The following CAMK2D variants were observed in gnomAD, a reference collection of about 807,000 sequenced individuals.
The protein encoded by CAMK2D is calcium/calmodulin-dependent protein kinase type II subunit delta.
A neutral mutation model predicts 84.0 loss-of-function variants in CAMK2D; 37 were observed. The ratio of observed to expected loss-of-function variants is 0.44; its 90% CI spans 0.34 to 0.58. The LOEUF (loss-of-function observed/expected upper bound fraction) is 0.58. CAMK2D is among the 20% of genes least tolerant of loss of function. The probability of loss-of-function intolerance (pLI) is 0.02; values close to 1 mark genes in which losing one functional copy is unlikely to be tolerated. For synonymous variants in CAMK2D, 202 were observed against 212.5 expected (o/e 0.95, Z 0.43); for missense variants, 448 against 652.5 (o/e 0.69, Z 3.41).
At chr4:113,564,548 A>C (rs569602967) in intron 4 of CAMK2D, among the ~76,000 whole-genome samples, 1 of 152,210 alleles carries the variant, frequency 6.6e-6, no homozygotes, top group African/African-American at 2.4e-5. Context: ...CATATCTCCT[A>C]CTAAACCTCA....
At chr4:113,717,135 C>A (rs540655280) in intron 2 of CAMK2D, among the ~76,000 whole-genome samples, 4 of 152,066 alleles carry the variant, frequency 2.6e-5, no homozygotes, top group Non-Finnish European at 5.9e-5. Flanking sequence ...TTCTGTCCCT[C>A]TCAGAACAGC....
chr4:113,695,905 A>G (rs2099401249), intron 2 of CAMK2D, among the ~76,000 whole-genome samples: 1 of 152,026 alleles, frequency 6.6e-6, no homozygotes, highest in African/African-American at 2.4e-5. Flanking sequence ...GCTATGTATG[A>G]GCTGTGCCCC....
intron 6 of CAMK2D, among the ~76,000 whole-genome samples, chr4:113,541,501 C>A (rs1482474834): frequency 1.3e-5 from 2 of 152,142 alleles, no homozygotes; most frequent in African/African-American, 4.8e-5. Flanking sequence ...TTAGCATTAA[C>A]CATATCAGGC....
At chr4:113,688,459 C>G (rs905036073) in intron 2 of CAMK2D, among the ~76,000 whole-genome samples, 7 of 152,208 alleles carry the variant, frequency 4.6e-5, no homozygotes, top group African/African-American at 1.7e-4. Context: ...TAACCTTCAT[C>G]TATTTACAAA....
At chr4:113,683,718 T>C (rs2099352032) in intron 2 of CAMK2D, among the ~76,000 whole-genome samples, 1 of 152,292 alleles carries the variant, frequency 6.6e-6, no homozygotes, top group African/African-American at 2.4e-5. Context: ...AGCAATAGTT[T>C]GATATACTTG....
intron 2 of CAMK2D, among the ~76,000 whole-genome samples, chr4:113,699,417 G>A (rs1400044535): frequency 6.6e-6 from 1 of 152,070 alleles, no homozygotes; most frequent in South Asian, 2.1e-4. Context: ...GGATACTGAA[G>A]CATATAATCT....
chr4:113,745,199 C>T (rs768918806), intron 2 of CAMK2D, among the ~76,000 whole-genome samples: 36 of 152,140 alleles, frequency 2.4e-4, no homozygotes, highest in Non-Finnish European at 4.4e-4. Flanking sequence ...GTGTTTTTAA[C>T]CTTTTCTTTC....
In CAMK2D at chr4:113,502,996, GAGAA is replaced by G. The variant is rs1294954474; in HGVS notation, c.1045-23_1045-20del. On this transcript the variant is annotated intron_variant, in intron 14 of 20. Transcript: ENST00000511664. Reference sequence around the variant, plus strand: ...GGGGCTCCTGAGTGAGAACAAAATAGAGAAAGAAACAGTTCGCATTGGTAAGTAC... The same window carrying G: ...GGGGCTCCTGAGTGAGAACAAAATAGAGAAACAGTTCGCATTGGTAAGTAC... 1 of 1,583,528 alleles carries G rather than the reference GAGAA, an allele frequency of 6.3e-7. No individual in the cohort carries two copies.
At chr4:113,690,789 T>C (rs959384519) in intron 2 of CAMK2D, among the ~76,000 whole-genome samples, 2 of 152,170 alleles carry the variant, frequency 1.3e-5, no homozygotes, top group Admixed American at 1.3e-4. Flanking sequence ...ACTGTGCAAT[T>C]TGAGAGATTT....
At position 113,452,916 on chromosome 4, in the gene CAMK2D, T is replaced by C. The variant is rs577789673; in HGVS notation, c.*1629A>G. 5 of 151,540 alleles carry C rather than the reference T, an allele frequency of 3.3e-5. No homozygotes were observed. Among genetic ancestry groups the C allele is most frequent in the African/African-American group, 4.9e-5 (2 of 40,494 alleles). 9.4% of individuals were successfully genotyped at this position (151,540 alleles called of 1,614,324 possible). The stretch of plus-strand genomic sequence containing the variant: ...CCACTAGCAATAATATCTAAGATGA[T>C]TAGTAATCAACACAGAGAGGTGAGA... On this transcript the variant is annotated 3_prime_UTR_variant, in exon 21 of 21. Transcript: ENST00000511664.
chr4:113,499,823 G>A (rs2098006492), intron 16 of CAMK2D, among the ~76,000 whole-genome samples: 1 of 152,136 alleles, frequency 6.6e-6, no homozygotes, highest in African/African-American at 2.4e-5. Flanking sequence ...ACAGTGATGT[G>A]GCCAAAGGAG....
intron 2 of CAMK2D, among the ~76,000 whole-genome samples, chr4:113,664,772 T>G (rs550613626): frequency 6.6e-6 from 1 of 152,150 alleles, no homozygotes; most frequent in East Asian, 1.9e-4. Flanking sequence ...GGCAGGATTA[T>G]TAGGGCATCT....
intron 2 of CAMK2D, among the ~76,000 whole-genome samples, chr4:113,717,978 AAGG>A (rs1272143626): frequency 6.6e-6 from 1 of 152,064 alleles, no homozygotes; most frequent in Non-Finnish European, 1.5e-5. Flanking sequence ...TAAGTGGCAC[AAGG>A]AGAAGACTTA....
intron 3 of CAMK2D, among the ~76,000 whole-genome samples, chr4:113,641,594 G>T (rs2099132467): frequency 6.6e-6 from 1 of 152,208 alleles, no homozygotes; most frequent in African/African-American, 2.4e-5. Flanking sequence ...TTAATAGAAA[G>T]TTCCTGGCTC....
At chr4:113,581,006 C>G (rs1014851516) in intron 4 of CAMK2D, among the ~76,000 whole-genome samples, 2 of 151,948 alleles carry the variant, frequency 1.3e-5, no homozygotes, top group African/African-American at 4.8e-5. Context: ...TGCAGCAAAC[C>G]ACTATGGTAC....
At chr4:113,628,460 G>A (rs150297240) in intron 3 of CAMK2D, among the ~76,000 whole-genome samples, 380 of 152,206 alleles carry the variant, frequency 2.5e-3, no homozygotes, top group Middle Eastern at 0.01. Context: ...AGTAAAATCA[G>A]AAGTCTGGGT....
At chr4:113,603,773 T>TTGTA (rs1447833124) in intron 4 of CAMK2D, among the ~76,000 whole-genome samples, 1 of 127,994 alleles carries the variant, frequency 7.8e-6, no homozygotes, top group East Asian at 2.2e-4. Flanking sequence ...TCTTGCTATT[T>TTGTA]TATATATATA....
intron 2 of CAMK2D, among the ~76,000 whole-genome samples, chr4:113,698,125 G>A (rs1261571071): frequency 1.3e-5 from 2 of 151,900 alleles, no homozygotes; most frequent in Admixed American, 6.6e-5. Flanking sequence ...CATCTAGCAC[G>A]AAGCCTATTT....
intron 3 of CAMK2D, among the ~76,000 whole-genome samples, chr4:113,625,492 G>A (rs2099063802): frequency 6.6e-6 from 1 of 152,122 alleles, no homozygotes; most frequent in African/African-American, 2.4e-5. Context: ...GAGACCAGAA[G>A]GAAATGAATA....
Sources: gnomAD v4.1 joint callset for allele counts (sites outside exome capture counted in the v4.1 genomes callset) on GRCh38, gnomAD v4.1.1 for gene constraint, MANE v1.5 for transcripts, NCBI Gene and HGNC (gene_info 2026-07-23, HGNC 2026-07-21) for gene names.